TJP1: variants seen among roughly 807,000 people sequenced by gnomAD.
TJP1 encodes tight junction protein 1, also known as tight junction protein ZO-1.
A neutral mutation model predicts 194.2 loss-of-function variants in TJP1; 43 were observed. That is an observed-to-expected ratio of 0.22 (90% CI 0.17 to 0.29). The LOEUF is 0.29. Ranked by LOEUF, TJP1 falls within the 10% of genes least tolerant of loss-of-function variation. The pLI is 1.00. For synonymous variants in TJP1, 801 were observed against 779.0 expected (o/e 1.03, Z -0.47); for missense variants, 1,971 against 2,185.7 (o/e 0.90, Z 1.96).
chr15:29,820,460 C>T lies in TJP1; in HGVS notation c.27+1542G>A, dbSNP rs1237725673. 4.2e-6 allele frequency: 3 copies of T among 709,760 alleles called. No individual in the cohort carries two copies. The East Asian group carries it at 8.1e-5, about 19-fold the overall frequency. The allele number at this position is 709,760 out of a possible 1,614,324, so 44.0% of individuals were successfully genotyped here. A position where few individuals can be genotyped will look rare whatever the true frequency, so the allele number is the denominator to read the frequency against. On this transcript the variant is annotated intron_variant, in intron 1 of 27. Coordinates refer to ENST00000614355, the MANE Select transcript of TJP1 (RefSeq NM_001330239.4). ...AAAGTCCCTACAACGTAATATTTAA[C>T]GAGTGATGCTTTTCAATATGCCATA...
chr15:29,773,124 T>TG (rs2046796487), intron 3 of TJP1, 109 bp downstream of exon 3: 1 of 1,288,788 alleles, frequency 7.8e-7, no homozygotes, highest in South Asian at 1.7e-5. Flanking sequence ...ATGGCACAGG[T>TG]GGAGTGTGAA....
chr15:29,803,147 T>C (rs1478291094), intron 1 of TJP1, among the ~76,000 whole-genome samples: 1 of 152,182 alleles, frequency 6.6e-6, no homozygotes, highest in Non-Finnish European at 1.5e-5. Context: ...GTGACATTTT[T>C]CTATCAGGTG....
intron 18 of TJP1, among the ~76,000 whole-genome samples, chr15:29,722,427 C>A (rs985124551): frequency 6.6e-6 from 1 of 152,200 alleles, no homozygotes; most frequent in African/African-American, 2.4e-5. Flanking sequence ...AGCCCTAAGC[C>A]TTGGCAGCTT....
chr15:29,808,171 G>A (rs1209637075), intron 1 of TJP1, among the ~76,000 whole-genome samples: 1 of 152,184 alleles, frequency 6.6e-6, no homozygotes, highest in Non-Finnish European at 1.5e-5. Flanking sequence ...GGGAGGCTGA[G>A]GCACGAGAAT....
At chr15:29,728,307 C>G in intron 15 of TJP1, 1 of 290,878 alleles carries the variant, frequency 3.4e-6, no homozygotes, top group Non-Finnish European at 6.4e-6. Context: ...TAATATGGCT[C>G]AACAGGGCAC....
chr15:29,968,734 G>A, exon 1 of TJP1: 1 of 1,232,104 alleles, frequency 8.1e-7, no homozygotes, highest in East Asian at 7.5e-5. Flanking sequence ...GCCATCTGCA[G>A]CACCGTCAGG....
intron 2 of TJP1, among the ~76,000 whole-genome samples, chr15:29,928,664 C>T (rs1009800161): frequency 6.6e-6 from 1 of 152,078 alleles, no homozygotes. Context: ...CACTTGTCGG[C>T]CGGGCACGGT....
At chr15:29,794,039 T>C (rs991466554) in intron 2 of TJP1, among the ~76,000 whole-genome samples, 3 of 152,258 alleles carry the variant, frequency 2.0e-5, no homozygotes, top group African/African-American at 4.8e-5. Context: ...TTTTGTGATA[T>C]AATTCTTCTT....
intron 1 of TJP1, among the ~76,000 whole-genome samples, chr15:29,804,792 T>C (rs1373498890): frequency 6.6e-6 from 1 of 152,170 alleles, no homozygotes. Flanking sequence ...TTTAGGCTTG[T>C]AGGAGACCAA....
Position 29,742,773 on chromosome 15 carries a change from C to T in TJP1, c.1019G>A (p.Ser340Asn), listed in dbSNP as rs1683969659. The T allele has an allele frequency of 1.9e-6, 3 of 1,588,192 alleles. No individual in the cohort carries two copies. Among genetic ancestry groups the T allele is most frequent in the Non-Finnish European group, 2.6e-6 (3 of 1,171,016 alleles). The change falls in exon 9 of 28, where the codon AGT becomes AAT. Residue 340 changes from serine (S) to asparagine (N), a missense_variant. Physicochemically the swap from Ser to Asn is conservative, Grantham distance 46. Around this residue, in one of 5 missense-constraint regions of TJP1, gnomAD observed 192 missense variants for 182.3 expected, o/e 1.05. Transcript: ENST00000614355. ...PQQPSNGSLR[S>N]RDEERISKPG... Reference sequence around the variant, plus strand: ...TTTAGAAATTCTCTCTTCATCTCTACTCCGGAGACTGTGTGTCATTAAAAT... The same window carrying T: ...TTTAGAAATTCTCTCTTCATCTCTATTCCGGAGACTGTGTGTCATTAAAAT...
intron 2 of TJP1, among the ~76,000 whole-genome samples, chr15:29,877,060 C>G (rs1169847954): frequency 6.6e-6 from 1 of 152,206 alleles, no homozygotes; most frequent in Admixed American, 6.5e-5. Context: ...TGCATTGCTT[C>G]TCTGATAGGG....
chr15:29,814,263 C>T (rs147103254), intron 1 of TJP1, among the ~76,000 whole-genome samples: 8 of 152,272 alleles, frequency 5.3e-5, no homozygotes, highest in African/African-American at 1.9e-4. Flanking sequence ...TAAGTTTGCT[C>T]GTATTTTTAA....
intron 10 of TJP1, among the ~76,000 whole-genome samples, chr15:29,738,997 T>A (rs2044219961): frequency 6.6e-6 from 1 of 151,474 alleles, no homozygotes; most frequent in Non-Finnish European, 1.5e-5. Context: ...TGAGCAATGA[T>A]CACACCATTA....
At chr15:29,814,562 C>A (rs1375907517) in intron 1 of TJP1, among the ~76,000 whole-genome samples, 1 of 151,954 alleles carries the variant, frequency 6.6e-6, no homozygotes, top group Non-Finnish European at 1.5e-5. Flanking sequence ...ATGACAATTC[C>A]AAAAGCGTGA....
At chr15:29,744,077 G>C (rs773992060) in intron 8 of TJP1, among the ~76,000 whole-genome samples, 2 of 152,114 alleles carry the variant, frequency 1.3e-5, no homozygotes, top group Non-Finnish European at 2.9e-5. Context: ...TACTCGTGAG[G>C]CTGAGGCAGG....
At chr15:29,750,994 A>G (rs906963536) in intron 8 of TJP1, among the ~76,000 whole-genome samples, 5 of 152,244 alleles carry the variant, frequency 3.3e-5, no homozygotes, top group South Asian at 2.1e-4. Context: ...CTCTATTGCA[A>G]AAAGACAGAA....
intron 2 of TJP1, among the ~76,000 whole-genome samples, chr15:29,898,483 A>AT (rs367729666): frequency 1.2e-3 from 178 of 152,232 alleles, no homozygotes; most frequent in African/African-American, 4.1e-3. Context: ...GATCCCTCAG[A>AT]TTTTTTTTGA....
chr15:29,891,279 C>T (rs2053299639), intron 2 of TJP1, among the ~76,000 whole-genome samples: 1 of 152,220 alleles, frequency 6.6e-6, no homozygotes, highest in Non-Finnish European at 1.5e-5. Flanking sequence ...GGGAACAGAG[C>T]TCTGAAGTCC....
chr15:29,921,869 A>C (rs1034631276), intron 2 of TJP1, among the ~76,000 whole-genome samples: 3 of 135,708 alleles, frequency 2.2e-5, no homozygotes, highest in Non-Finnish European at 4.7e-5. Flanking sequence ...TCCATGACGG[A>C]GTTTTGCTCT....
Sources: gnomAD v4.1 joint callset for allele counts (sites outside exome capture counted in the v4.1 genomes callset) on GRCh38, gnomAD v4.1.1 for gene constraint, gnomAD v4.1.1 regional missense constraint, MANE v1.5 for transcripts, NCBI Gene and HGNC (gene_info 2026-07-23, HGNC 2026-07-21) for gene names.